OR51B5: variants seen among roughly 807,000 people sequenced by gnomAD.
The protein encoded by OR51B5 is olfactory receptor family 51 subfamily B member 5, also known as olfactory receptor 51B5.
For synonymous variants in OR51B5, 186 were observed against 144.8 expected (o/e 1.28, Z -2.04); for missense variants, 456 against 374.6 (o/e 1.22, Z -1.79).
At chr11:5,399,788 G>GA (rs1372076247) in intron 1 of OR51B5, among the ~76,000 whole-genome samples, 26 of 149,694 alleles carry the variant, frequency 1.7e-4, no homozygotes, top group African/African-American at 2.5e-4. Flanking sequence ...ATGCAAGAAA[G>GA]AAAAAAAAAG....
chr11:5,376,648 AATAC>A (rs1447574193), intron 1 of OR51B5, among the ~76,000 whole-genome samples: 2 of 152,138 alleles, frequency 1.3e-5, no homozygotes, highest in Non-Finnish European at 2.9e-5. Context: ...ATCCCACAGA[AATAC>A]AAACTGCCAT....
chr11:5,493,680 C>A (rs975841162), intron 1 of OR51B5, among the ~76,000 whole-genome samples: 9 of 152,184 alleles, frequency 5.9e-5, no homozygotes, highest in African/African-American at 2.2e-4. Context: ...GCCAGAGGAG[C>A]CCTAGGGTAA....
intron 1 of OR51B5, among the ~76,000 whole-genome samples, chr11:5,407,676 GTT>G (rs34005828): frequency 1.8e-3 from 257 of 145,786 alleles, no homozygotes; most frequent in South Asian, 4.7e-3. Context: ...TCTTCCATCA[GTT>G]TTTTTTTTTT....
intron 1 of OR51B5, among the ~76,000 whole-genome samples, chr11:5,465,231 G>C (rs1247291789): frequency 7.2e-5 from 6 of 83,602 alleles, no homozygotes; most frequent in Non-Finnish European, 1.1e-4. Flanking sequence ...AAAAAAAAAA[G>C]TGTTCCTATT....
At chr11:5,359,666 A>T (rs1162311904) in intron 1 of OR51B5, among the ~76,000 whole-genome samples, 6 of 150,180 alleles carry the variant, frequency 4.0e-5, no homozygotes. Context: ...ATGGAACCAA[A>T]AAAGAGCCCA....
chr11:5,421,405 A>G (rs1314085759), intron 1 of OR51B5, among the ~76,000 whole-genome samples: 1 of 152,272 alleles, frequency 6.6e-6, no homozygotes, highest in Non-Finnish European at 1.5e-5. Flanking sequence ...AAAAGGGCAC[A>G]TGACTTGTTA....
chr11:5,385,921 TTA>T (rs1849687229), intron 1 of OR51B5, among the ~76,000 whole-genome samples: 1 of 147,532 alleles, frequency 6.8e-6, no homozygotes, highest in African/African-American at 2.5e-5. Context: ...ATATGTGTAC[TTA>T]TATGGATGTA....
At chr11:5,464,557 A>G (rs1851108960) in intron 1 of OR51B5, among the ~76,000 whole-genome samples, 1 of 150,964 alleles carries the variant, frequency 6.6e-6, no homozygotes, top group South Asian at 2.1e-4. Flanking sequence ...TGTTCTTGCG[A>G]TAGTTTACTG....
At chr11:5,370,120 A>C (rs1849426788) in intron 1 of OR51B5, among the ~76,000 whole-genome samples, 1 of 152,208 alleles carries the variant, frequency 6.6e-6, no homozygotes, top group Non-Finnish European at 1.5e-5. Context: ...ATGCATATAG[A>C]AAATACAGGT....
chr11:5,368,394 T>G lies in OR51B5; in HGVS notation n.85-21484A>C, dbSNP rs149325736. On this transcript the variant is annotated intron_variant and non_coding_transcript_variant, in intron 1 of 4. Transcript: ENST00000415970. ...CCACATGGTTGAATTATTTTAATGATTAAATACATTAATATGTCTAACGTG... is the reference window on the plus strand; with the variant it reads ...CCACATGGTTGAATTATTTTAATGAGTAAATACATTAATATGTCTAACGTG... Among the ~76,000 whole-genome samples the G allele has an allele frequency of 1.2e-3, 190 of 152,326 alleles. 1 individual carries two copies. In the East Asian group the frequency reaches 0.019, roughly 15 times the overall value.
chr11:5,502,241 G>T (rs554222692), intron 1 of OR51B5, among the ~76,000 whole-genome samples: 7 of 152,134 alleles, frequency 4.6e-5, no homozygotes, highest in African/African-American at 1.7e-4. Context: ...GTCTCTACAT[G>T]GGTGACAAAG....
intron 1 of OR51B5, among the ~76,000 whole-genome samples, chr11:5,409,019 G>C (rs551590567): frequency 6.6e-6 from 1 of 152,116 alleles, no homozygotes; most frequent in Admixed American, 6.6e-5. Context: ...GTATGTTCTT[G>C]GTGGTACTAA....
rs576858117 is a variant in OR51B5 at position 5,417,609 on chromosome 11, C to T, written n.85-70699G>A. On this transcript the variant is annotated intron_variant and non_coding_transcript_variant, in intron 1 of 4. Coordinates refer to the OR51B5 transcript ENST00000415970. ...AAAAAAAACCCCATCCAAAAGTGGG[C>T]GAAGGACATGAACAGACACTTCTCA... Among the ~76,000 whole-genome samples, 798 of 151,224 alleles carry T rather than the reference C, an allele frequency of 5.3e-3. 7 individuals carry two copies. The highest frequency in any genetic ancestry group is 0.018 in the African/African-American group (743 of 41,236).
Position 5,463,880 on chromosome 11 carries a change from C to G in OR51B5, n.84+41689G>C, listed in dbSNP as rs74907995. ...CTTTTAAAATGCTTTTAAATTCCTT[C>G]TCACAAAGCCTCACCATGATTTGAA... On this transcript the variant is annotated intron_variant and non_coding_transcript_variant, in intron 1 of 4. Coordinates refer to the OR51B5 transcript ENST00000415970. 9.3e-3 allele frequency among the ~76,000 whole-genome samples: 1,424 copies of G among 152,302 alleles called. 24 individuals carry two copies. The highest frequency in any genetic ancestry group is 0.031 in the African/African-American group (1,296 of 41,550).
chr11:5,424,236 G>A (rs755885642), intron 1 of OR51B5, among the ~76,000 whole-genome samples: 6 of 152,088 alleles, frequency 3.9e-5, no homozygotes, highest in African/African-American at 1.2e-4. Context: ...CCTTAGTTCC[G>A]CTAAAACTGA....
chr11:5,375,331 A>G (rs1849508049), intron 1 of OR51B5, among the ~76,000 whole-genome samples: 1 of 151,614 alleles, frequency 6.6e-6, no homozygotes, highest in African/African-American at 2.4e-5. Context: ...CTCCTGAAGG[A>G]AGCACTAAAC....
At position 5,415,830 on chromosome 11, in the gene OR51B5, T is replaced by C. The variant is rs555629689; in HGVS notation, n.85-68920A>G. 4.4e-3 allele frequency among the ~76,000 whole-genome samples: 667 copies of C among 151,880 alleles called. 6 individuals carry two copies. Among genetic ancestry groups the C allele is most frequent in the African/African-American group, 0.015 (628 of 41,402 alleles). ...GTCCAGAACCAGATGGATTCACAGC[T>C]GAATTCTACCAGAGGTACAAGGAGG... On this transcript the variant is annotated intron_variant and non_coding_transcript_variant, in intron 1 of 4. Transcript: ENST00000415970.
chr11:5,345,584 G>A (rs1848978185), upstream of OR51B5, among the ~76,000 whole-genome samples: 1 of 152,182 alleles, frequency 6.6e-6, no homozygotes, highest in African/African-American at 2.4e-5. Flanking sequence ...AGAGTCATTA[G>A]TAAATATAGC....
exon 1 of OR51B5, chr11:5,343,447 G>A (rs138029050): frequency 7.5e-5 from 120 of 1,604,126 alleles, no homozygotes; most frequent in African/African-American, 3.5e-4. Flanking sequence ...AGAAAAATAC[G>A]GAAATCCAGT....
Sources: allele counts gnomAD v4.1 joint callset (sites outside exome capture counted in the v4.1 genomes callset), GRCh38; gene constraint gnomAD v4.1.1; transcripts MANE v1.5; gene names NCBI Gene and HGNC (gene_info 2026-07-23, HGNC 2026-07-21).